Variants in FAM163B observed in about 807,000 individuals in gnomAD.
The protein encoded by FAM163B is family with sequence similarity 163 member B, also known as protein FAM163B.
A neutral mutation model predicts 7.6 loss-of-function variants in FAM163B; 4 were observed. The observed-to-expected ratio is 0.52, with a 90% CI of 0.26 to 1.20. The LOEUF is 1.20. FAM163B is among the 50% of genes most tolerant of loss of function. FAM163B has a pLI of 0.14. For synonymous variants in FAM163B, 120 were observed against 111.6 expected, an observed-to-expected ratio of 1.07 and a Z score of -0.47; for missense variants, 250 against 243.0, an observed-to-expected ratio of 1.03 and a Z score of -0.19.
intron 1 of FAM163B, among the ~76,000 whole-genome samples, chr9:133,596,530 A>G (rs1358988409): frequency 1.3e-5 from 2 of 151,584 alleles, no homozygotes; most frequent in South Asian, 4.2e-4. Context: ...GAAGGAAAGC[A>G]CTCCTCAAGC....
At chr9:133,579,704 C>A (rs1453589839) in intron 2 of FAM163B, among the ~76,000 whole-genome samples, 3 of 152,214 alleles carry the variant, frequency 2.0e-5, no homozygotes, top group Non-Finnish European at 2.9e-5. Context: ...GAGACTGAGG[C>A]GTGGAGGGGT....
chr9:133,581,615 A>C (rs1197639643), intron 1 of FAM163B, among the ~76,000 whole-genome samples: 2 of 152,178 alleles, frequency 1.3e-5, no homozygotes, highest in African/African-American at 2.4e-5. Context: ...AGAACAGCTC[A>C]AAACCCATTC....
rs1300724680 is a variant in FAM163B, at chr9:133,601,199, C to G, written c.-24+7878G>C. On this transcript the variant is annotated intron_variant, in intron 1 of 2. Transcript: ENST00000673969. The surrounding 1 kb of genome is among the most constrained non-coding windows in gnomAD (Gnocchi z 4.1). ...TACAAAGATCCACTGGGCCCCCTTC[C>G]TGAGCCTCTGAGCTCTCTGGGCAGG... Among the ~76,000 whole-genome samples the G allele has an allele frequency of 6.6e-6, 1 of 152,224 alleles. No individual in the cohort carries two copies. Among genetic ancestry groups the G allele is most frequent in the Admixed American group, 6.5e-5 (1 of 15,278 alleles).
At chr9:133,588,248 C>T (rs1195576940) in intron 1 of FAM163B, among the ~76,000 whole-genome samples, 1 of 152,096 alleles carries the variant, frequency 6.6e-6, no homozygotes, top group Non-Finnish European at 1.5e-5. Context: ...AACCACTGGC[C>T]CTGTCTGGGG....
intron 1 of FAM163B, among the ~76,000 whole-genome samples, chr9:133,580,676 C>T (rs1831343218): frequency 6.6e-6 from 1 of 152,236 alleles, no homozygotes; most frequent in African/African-American, 2.4e-5. Flanking sequence ...CTCACACAGT[C>T]ACCATTATTC....
intron 1 of FAM163B, among the ~76,000 whole-genome samples, chr9:133,594,121 C>T (rs935826726): frequency 2.6e-5 from 4 of 152,190 alleles, no homozygotes; most frequent in Non-Finnish European, 5.9e-5. Context: ...GGTTTGGTTT[C>T]CTATCCCAGT....
Position 133,580,206 on chromosome 9 carries a change from C to A in FAM163B, c.18G>T (p.Val6=). MTAGT[V]VITGGILATV... is the part of the protein sequence containing the mutation. ...TCGCCAAGATGCCCCCGGTGATGAC[C>A]ACGGTCCCGGCTGTCATCCGCCCCC... Residue 6 remains valine (V), a synonymous_variant, in exon 2 of 3, where the codon GTG becomes GTT. Transcript: ENST00000673969. 6.2e-7 allele frequency: 1 copy of A among 1,613,604 alleles called. No homozygotes were observed. The highest frequency in any genetic ancestry group is 8.5e-7 in the Non-Finnish European group (1 of 1,180,004).
In FAM163B at chr9:133,579,205, C is replaced by T. The variant is rs772423747; in HGVS notation, c.318G>A (p.Glu106=). The stretch of plus-strand genomic sequence containing the variant: ...GCACGTCCTCTTCCTCCTCCGGCGG[C>T]TCCTGCAGGAAGAAGGTGGGGGGCT... ...HCEPPTFFLQ[E]PPEEEEDVLN... Residue 106 remains glutamate (E), a synonymous_variant, in exon 3 of 3, where the codon GAG becomes GAA. Transcript: ENST00000673969. The T allele has an allele frequency of 2.5e-5, 41 of 1,612,098 alleles. 1 individual carries two copies. The African/African-American group carries it at 4.9e-4, about 19-fold the overall frequency.
intron 1 of FAM163B, among the ~76,000 whole-genome samples, chr9:133,595,991 A>G (rs1480554139): frequency 6.6e-6 from 1 of 152,220 alleles, no homozygotes; most frequent in East Asian, 1.9e-4. Flanking sequence ...CCAGGAGAGT[A>G]ACTGGACTGG....
At position 133,600,079 on chromosome 9, in the gene FAM163B, G is replaced by T. The variant is rs201339047; in HGVS notation, c.-24+8998C>A. On this transcript the variant is annotated intron_variant, in intron 1 of 2. Transcript: ENST00000673969. This position sits in a 1 kb window ranked among gnomAD's most constrained non-coding sequence, Gnocchi z 4.9. ...TGAGTTTGTGTGTGCATGTGTGTGT[G>T]TCTGTGTGCATGTGTGCCTCTGAAT... 1.5e-4 allele frequency among the ~76,000 whole-genome samples: 22 copies of T among 150,730 alleles called. No homozygotes were observed. The East Asian group carries it at 4.1e-3, about 28-fold the overall frequency.
In FAM163B at chr9:133,603,293, G is replaced by T. The variant is rs143833771; in HGVS notation, c.-24+5784C>A. Among the ~76,000 whole-genome samples the T allele has an allele frequency of 9.1e-4, 139 of 152,286 alleles. 2 individuals are homozygous for T. The highest frequency in any genetic ancestry group is 3.2e-3 in the African/African-American group (131 of 41,546). On this transcript the variant is annotated intron_variant, in intron 1 of 2. Coordinates refer to ENST00000673969, the MANE Select transcript of FAM163B (RefSeq NM_001080515.3). ...GCTGTGGGTCCAATGCATACCCAGC[G>T]CATCCCACCGCAGCCGGCCTTTTCC...
intron 1 of FAM163B, among the ~76,000 whole-genome samples, chr9:133,587,201 G>T (rs1438622925): frequency 2.0e-5 from 3 of 152,220 alleles, no homozygotes; most frequent in East Asian, 1.9e-4. Context: ...CTCAAGACCA[G>T]TTTCAGCTGA....
At chr9:133,593,039 C>T (rs1288592507) in intron 1 of FAM163B, among the ~76,000 whole-genome samples, 6 of 152,190 alleles carry the variant, frequency 3.9e-5, no homozygotes, top group East Asian at 3.9e-4. Context: ...ACACGGAACG[C>T]GTGTGAGTGC....
At chr9:133,595,736 C>A (rs1307777682) in intron 1 of FAM163B, among the ~76,000 whole-genome samples, 2 of 152,202 alleles carry the variant, frequency 1.3e-5, no homozygotes, top group African/African-American at 4.8e-5. Context: ...CAAAAATATC[C>A]CCTGCTCCAT....
At chr9:133,579,831 T>C (rs1433527323) in intron 2 of FAM163B, among the ~76,000 whole-genome samples, 11 of 152,198 alleles carry the variant, frequency 7.2e-5, no homozygotes, top group Non-Finnish European at 1.2e-4. Flanking sequence ...TGGATGGCCC[T>C]GGAGTGCAGG....
At chr9:133,582,913 G>A (rs1240854586) in intron 1 of FAM163B, among the ~76,000 whole-genome samples, 1 of 152,208 alleles carries the variant, frequency 6.6e-6, no homozygotes, top group African/African-American at 2.4e-5. Flanking sequence ...GAGGGAGCGA[G>A]GAAGGCCACA....
At chr9:133,608,598 T>G (rs1176441417) in intron 1 of FAM163B, among the ~76,000 whole-genome samples, 1 of 152,228 alleles carries the variant, frequency 6.6e-6, no homozygotes, top group African/African-American at 2.4e-5. Context: ...ACTCAGTTTC[T>G]GCATCTGTGA....
intron 1 of FAM163B, among the ~76,000 whole-genome samples, chr9:133,582,673 C>T (rs1831373679): frequency 6.6e-6 from 1 of 152,258 alleles, no homozygotes; most frequent in African/African-American, 2.4e-5. Context: ...TCTGAGCCCT[C>T]TGCTGCTGTC....
chr9:133,577,581 G>A lies in FAM163B; in HGVS notation c.*1441C>T, dbSNP rs1019709370. On this transcript the variant is annotated 3_prime_UTR_variant, in exon 3 of 3. Coordinates refer to ENST00000673969, the MANE Select transcript of FAM163B (RefSeq NM_001080515.3). Reference sequence around the variant, plus strand: ...CTCCGCTCAGGGAAGGTCACTGCCCGGCCAAGCCTTGTCTTTGAGGGCGGT... The same window carrying A: ...CTCCGCTCAGGGAAGGTCACTGCCCAGCCAAGCCTTGTCTTTGAGGGCGGT... Among the ~76,000 whole-genome samples the A allele has an allele frequency of 2.6e-5, 4 of 152,364 alleles. No homozygotes were observed. Among genetic ancestry groups the A allele is most frequent in the Admixed American group, 6.5e-5 (1 of 15,314 alleles).
Sources: allele counts gnomAD v4.1 joint callset (sites outside exome capture counted in the v4.1 genomes callset), GRCh38; gene constraint gnomAD v4.1.1; non-coding constraint Gnocchi (gnomAD v3.1); transcripts MANE v1.5; gene names NCBI Gene and HGNC (gene_info 2026-07-23, HGNC 2026-07-21).